The following DISP1 variants were observed in gnomAD, a reference collection of about 807,000 sequenced individuals.
DISP1 encodes the protein protein dispatched homolog 1.
Under a neutral mutation model 37.3 loss-of-function variants are expected in DISP1, and 30 were observed. That is an observed-to-expected ratio of 0.80 (90% CI 0.60 to 1.09). The LOEUF is 1.09. DISP1 is among the 50% of genes least tolerant of loss of function. The pLI is 0.00. For missense variants in DISP1, 1,598 were observed against 1,879.5 expected (o/e 0.85, Z 2.77); for synonymous variants, 634 against 690.2 (o/e 0.92, Z 1.28).
intron 1 of DISP1, among the ~76,000 whole-genome samples, chr1:222,890,906 T>G (rs915326683): frequency 1.3e-5 from 2 of 152,094 alleles, no homozygotes; most frequent in African/African-American, 4.8e-5. Context: ...CCAGATTTCC[T>G]CTTTTTATAA....
intron 1 of DISP1, among the ~76,000 whole-genome samples, chr1:222,918,593 T>C (rs1009827806): frequency 2.0e-5 from 3 of 152,180 alleles, no homozygotes; most frequent in African/African-American, 7.2e-5. Context: ...TCACAACCCA[T>C]AGTATCTAGT....
At position 222,884,962 on chromosome 1, in the gene DISP1, G is replaced by T. The variant is rs965233926; in HGVS notation, c.-158-43468G>T. Among the ~76,000 whole-genome samples, 9 of 151,894 alleles carry T rather than the reference G, an allele frequency of 5.9e-5. No individual in the cohort carries two copies. The South Asian group carries it at 6.3e-4, about 11-fold the overall frequency. ...CGCCATTCTCCTGCCTCAGCCCCCC[G>T]AGTAGCTAGGACTACAGGCGCCCGC... On this transcript the variant is annotated intron_variant, in intron 1 of 8. Coordinates refer to ENST00000675850, the MANE Select transcript of DISP1 (RefSeq NM_001377229.1).
At chr1:222,854,361 G>T (rs61839659) in intron 1 of DISP1, among the ~76,000 whole-genome samples, 10,783 of 152,146 alleles carry the variant, frequency 0.071, 477 homozygotes, top group Non-Finnish European at 0.098. Context: ...TCTTCAAAGG[G>T]TGGCAGGAGG....
Position 223,003,299 on chromosome 1 carries a change from G to A in DISP1, c.1902G>A (p.Gly634=). The A allele has an allele frequency of 1.9e-6, 3 of 1,614,174 alleles. No individual in the cohort carries two copies. Among genetic ancestry groups the A allele is most frequent in the Non-Finnish European group, 2.5e-6 (3 of 1,180,030 alleles). ...VSNITAIRCF[G]VYAGTAILVN... ...ACATTACAGCAATCCGATGCTTTGG[G>A]GTTTATGCGGGGACAGCTATATTGG... Residue 634 remains glycine, a synonymous_variant, in exon 9 of 9, where the codon GGG becomes GGA. Transcript: ENST00000675850. The surrounding 1 kb of genome is among the most constrained non-coding windows in gnomAD (Gnocchi z 4.3).
chr1:222,956,592 G>T (rs528175434), intron 3 of DISP1, among the ~76,000 whole-genome samples: 43 of 151,996 alleles, frequency 2.8e-4, no homozygotes, highest in African/African-American at 9.9e-4. Flanking sequence ...TCTCCCTAAT[G>T]CATAGGGTGA....
rs961002142 is a variant in DISP1 at position 222,881,203 on chromosome 1, T to C, written c.-158-47227T>C. Among the ~76,000 whole-genome samples the C allele has an allele frequency of 7.2e-5, 11 of 152,238 alleles. No homozygotes were observed. In the East Asian group the frequency reaches 2.1e-3, roughly 29 times the overall value. On this transcript the variant is annotated intron_variant, in intron 1 of 8. Transcript: ENST00000675850. ...TCTTTTAGAATTTTTTTTTATTTTT[T>C]ATTTTTTTTGAGACACAGTTTTGCT...
intron 1 of DISP1, among the ~76,000 whole-genome samples, chr1:222,895,868 T>C (rs1431665535): frequency 6.6e-6 from 1 of 152,192 alleles, no homozygotes; most frequent in Non-Finnish European, 1.5e-5. Flanking sequence ...GAAGAAAACA[T>C]AGAGAATCTT....
At chr1:223,001,218 C>G (rs995794016) in intron 8 of DISP1, among the ~76,000 whole-genome samples, 3 of 152,148 alleles carry the variant, frequency 2.0e-5, no homozygotes, top group Non-Finnish European at 2.9e-5. Context: ...ACTGTCCACA[C>G]CAAATCCAGA....
At chr1:222,836,339 G>A (rs1010098018) in intron 1 of DISP1, among the ~76,000 whole-genome samples, 1 of 152,210 alleles carries the variant, frequency 6.6e-6, no homozygotes, top group Non-Finnish European at 1.5e-5. Flanking sequence ...AAGTGGTAAT[G>A]TGTGACCAAA....
intron 1 of DISP1, among the ~76,000 whole-genome samples, chr1:222,904,407 G>A (rs1046508537): frequency 1.1e-4 from 17 of 152,086 alleles, no homozygotes; most frequent in Non-Finnish European, 2.5e-4. Flanking sequence ...CATATTTATA[G>A]ATGTTTTCAG....
At chr1:222,830,526 G>A (rs1665484796) in intron 1 of DISP1, among the ~76,000 whole-genome samples, 2 of 151,970 alleles carry the variant, frequency 1.3e-5, no homozygotes, top group South Asian at 2.1e-4. Context: ...GACTATAGGC[G>A]CGTGTCACCA....
chr1:222,997,036 C>T (rs996469057), intron 8 of DISP1, among the ~76,000 whole-genome samples: 1 of 143,734 alleles, frequency 7.0e-6, no homozygotes, highest in Non-Finnish European at 1.5e-5. Flanking sequence ...CTCTCTCTGT[C>T]TCTCTCTCTC....
chr1:222,821,533 A>G (rs189325685), intron 1 of DISP1, among the ~76,000 whole-genome samples: 13 of 152,220 alleles, frequency 8.5e-5, no homozygotes, highest in African/African-American at 2.9e-4. Flanking sequence ...GGTTTGCCCT[A>G]TGGTGTTCTC....
chr1:222,893,211 A>G lies in DISP1; in HGVS notation c.-158-35219A>G, dbSNP rs1166998737. Reference sequence around the variant, plus strand: ...TTAAATCTTTTGTGTTAAGAAAACTACTAAAACTTTAGTGGTTTTCTATTA... The same window carrying G: ...TTAAATCTTTTGTGTTAAGAAAACTGCTAAAACTTTAGTGGTTTTCTATTA... On this transcript the variant is annotated intron_variant, in intron 1 of 8. Transcript: ENST00000675850. This position sits in a 1 kb window ranked among gnomAD's most constrained non-coding sequence, Gnocchi z 4.3. Among the ~76,000 whole-genome samples the G allele has an allele frequency of 6.6e-6, 1 of 152,224 alleles. No homozygotes were observed. Among genetic ancestry groups the G allele is most frequent in the African/African-American group, 2.4e-5 (1 of 41,462 alleles).
chr1:222,845,952 T>C (rs2125299273), intron 1 of DISP1, among the ~76,000 whole-genome samples: 1 of 152,280 alleles, frequency 6.6e-6, no homozygotes, highest in East Asian at 1.9e-4. Flanking sequence ...TGAAGTTCAT[T>C]TTACCAGTTA....
Position 222,943,125 on chromosome 1 carries a change from A to T in DISP1, c.302A>T (p.His101Leu). Residue 101 changes from histidine to leucine, a missense_variant, in exon 3 of 9, where the codon CAT (histidine) becomes CTT (leucine). By Grantham distance (99) the His-to-Leu change is moderately conservative. Transcript: ENST00000675850. The stretch of plus-strand genomic sequence containing the variant: ...AGCCATAGCAGTCACCAAGAGTGCC[A>T]TCCCGAGGCTGGCCCTGCAGCACCC... ...LTSHSSHQEC[H>L]PEAGPAAPSA... 1 of 1,613,734 alleles carries T rather than the reference A, an allele frequency of 6.2e-7. No homozygotes were observed. Among genetic ancestry groups the T allele is most frequent in the Non-Finnish European group, 8.5e-7 (1 of 1,179,642 alleles).
intron 1 of DISP1, among the ~76,000 whole-genome samples, chr1:222,884,128 T>C (rs1670440277): frequency 6.6e-6 from 1 of 152,176 alleles, no homozygotes. Context: ...TTTGAATCAC[T>C]TTGGCTCTCT....
intron 1 of DISP1, among the ~76,000 whole-genome samples, chr1:222,870,665 A>G (rs1161988011): frequency 1.3e-5 from 2 of 151,878 alleles, no homozygotes; most frequent in Non-Finnish European, 2.9e-5. Context: ...AATTTGTTTG[A>G]GTTCATTGTA....
At chr1:222,923,217 G>C (rs895222963) in intron 1 of DISP1, among the ~76,000 whole-genome samples, 1 of 152,150 alleles carries the variant, frequency 6.6e-6, no homozygotes, top group Non-Finnish European at 1.5e-5. Context: ...GTGAGACAGA[G>C]TAAAGAGACA....
Sources: allele counts gnomAD v4.1 joint callset (sites outside exome capture counted in the v4.1 genomes callset), GRCh38; gene constraint gnomAD v4.1.1; non-coding constraint Gnocchi (gnomAD v3.1); transcripts MANE v1.5; gene names NCBI Gene and HGNC (gene_info 2026-07-23, HGNC 2026-07-21).